Variants in AR observed in about 807,000 individuals in gnomAD.
AR encodes androgen receptor.
A neutral mutation model predicts 53.9 loss-of-function variants in AR; 8 were observed. The observed-to-expected ratio is 0.15, with a 90% confidence interval of 0.09 to 0.27. AR has a LOEUF of 0.27. Among genes scored for constraint, AR ranks in the 10% least tolerant of loss-of-function variants. The probability of loss-of-function intolerance (pLI) is 1.00; values close to 1 mark genes in which losing one functional copy is unlikely to be tolerated. For missense variants in AR, 639 were observed against 742.5 expected (o/e 0.86, Z 1.62); for synonymous variants, 359 against 316.4 (o/e 1.13, Z -1.43).
intron 1 of AR, among the ~76,000 whole-genome samples, chrX:67,569,213 G>GT (rs1298833285): frequency 2.5e-4 from 25 of 99,108 alleles, no homozygotes; most frequent in African/African-American, 4.0e-5. Context: ...TTTTGTGTGT[G>GT]GGGGGGGGTT....
At chrX:67,671,317 T>C (rs1052425315) in intron 2 of AR, among the ~76,000 whole-genome samples, 8 of 112,421 alleles carry the variant, frequency 7.1e-5, no homozygotes, top group Non-Finnish European at 1.3e-4. Flanking sequence ...TGGTATCTCA[T>C]TGTGGTTTTG....
At chrX:67,682,024 T>A (rs917925236) in intron 2 of AR, among the ~76,000 whole-genome samples, 1 of 111,742 alleles carries the variant, frequency 8.9e-6, no homozygotes, top group Non-Finnish European at 1.9e-5. Flanking sequence ...AAATTCAACA[T>A]CATTTTATGA....
chrX:67,584,014 G>A (rs1467575810), intron 1 of AR, among the ~76,000 whole-genome samples: 2 of 112,338 alleles, frequency 1.8e-5, no homozygotes, highest in Non-Finnish European at 3.8e-5. Context: ...CTGGATCAAG[G>A]AGAAATGAGT....
At chrX:67,569,888 A>G (rs1034899320) in intron 1 of AR, among the ~76,000 whole-genome samples, 8 of 110,306 alleles carry the variant, frequency 7.3e-5, no homozygotes, top group African/African-American at 2.6e-4. Context: ...TATTGTCCCC[A>G]TCTCCATGTG....
intron 4 of AR, 77 bp from the exon 5 acceptor site, chrX:67,717,401 C>T (rs2147530265): frequency 1.7e-6 from 2 of 1,170,552 alleles, no homozygotes; most frequent in Non-Finnish European, 2.3e-6. Flanking sequence ...CAGAGCATCT[C>T]TGCCCAACAG....
At chrX:67,579,192 C>T (rs1302999250) in intron 1 of AR, among the ~76,000 whole-genome samples, 1 of 111,809 alleles carries the variant, frequency 8.9e-6, no homozygotes, top group Non-Finnish European at 1.9e-5. Flanking sequence ...ATAGTAGCAA[C>T]GTATTCTTTT....
At chrX:67,693,413 A>G (rs1417748437) in intron 3 of AR, among the ~76,000 whole-genome samples, 1 of 112,437 alleles carries the variant, frequency 8.9e-6, no homozygotes, top group African/African-American at 3.2e-5. Context: ...ATAATAATTC[A>G]GGAAAAAAGC....
chrX:67,574,964 T>A (rs1471991473), intron 1 of AR, among the ~76,000 whole-genome samples: 1 of 111,422 alleles, frequency 9.0e-6, no homozygotes, highest in East Asian at 2.9e-4. Flanking sequence ...ATAGAGCCAA[T>A]TTTCTTTTTT....
At chrX:67,663,293 T>C (rs1602236283) in intron 2 of AR, among the ~76,000 whole-genome samples, 1 of 112,378 alleles carries the variant, frequency 8.9e-6, no homozygotes, top group East Asian at 2.8e-4. Flanking sequence ...TAGTGCTTCC[T>C]TCAGGAGCTC....
intron 2 of AR, among the ~76,000 whole-genome samples, chrX:67,656,266 G>T (rs778764863): frequency 3.6e-5 from 4 of 111,812 alleles, no homozygotes; most frequent in African/African-American, 1.3e-4. Flanking sequence ...ATGTGAACTA[G>T]CCGTGTCCTC....
intron 1 of AR, among the ~76,000 whole-genome samples, chrX:67,584,075 C>CA (rs2037813408): frequency 1.8e-5 from 2 of 112,153 alleles, no homozygotes; most frequent in African/African-American, 6.5e-5. Context: ...ATATTTACTC[C>CA]ATGAATAGTT....
At chrX:67,672,551 CATA>C (rs1472972699) in intron 2 of AR, among the ~76,000 whole-genome samples, 3 of 109,712 alleles carry the variant, frequency 2.7e-5, no homozygotes, top group Non-Finnish European at 5.7e-5. Flanking sequence ...GAGGCTTGTA[CATA>C]ATATTTTCTA....
chrX:67,729,171 T>C lies in AR; in HGVS notation c.*5330T>C, dbSNP rs1001351497. Reference sequence around the variant, plus strand: ...TGTAATTCTGGTTTTGGATATGTTCTGTAAAGATTTTGACAAATGAAAATG... The same window carrying C: ...TGTAATTCTGGTTTTGGATATGTTCCGTAAAGATTTTGACAAATGAAAATG... On this transcript the variant is annotated 3_prime_UTR_variant, in exon 8 of 8. Coordinates refer to ENST00000374690, the MANE Select transcript of AR (RefSeq NM_000044.6). 5.7e-6 allele frequency: 1 copy of C among 174,890 alleles called. No homozygotes were observed. Among genetic ancestry groups the C allele is most frequent in the South Asian group, 3.0e-4 (1 of 3,279 alleles). The allele number at this position is 174,890 out of a possible 1,213,427, so 14.4% of individuals were successfully genotyped here.
intron 2 of AR, among the ~76,000 whole-genome samples, chrX:67,665,357 T>C (rs1352929461): frequency 4.4e-5 from 5 of 112,537 alleles, no homozygotes; most frequent in Non-Finnish European, 7.5e-5. Context: ...TAGAAAATAA[T>C]AGAAATGAAC....
rs773196784 is a variant in AR, at chrX:67,717,741, C to T, written c.2318+119C>T. The T allele has an allele frequency of 7.1e-5, 73 of 1,028,867 alleles. No homozygotes were observed. In the South Asian group the frequency reaches 1.3e-3, roughly 18 times the overall value. The allele number at this position is 1,028,867 out of a possible 1,213,427, so 84.8% of individuals were successfully genotyped here. ...CTCATTTGATCTGCAGTTGTCGCAG[C>T]GGATGCCCCAGCCAGCCAATCCAGT... On this transcript the variant is annotated intron_variant, in intron 5 of 7. Transcript: ENST00000374690.
intron 1 of AR, among the ~76,000 whole-genome samples, chrX:67,576,287 A>T (rs924366800): frequency 3.6e-5 from 4 of 110,148 alleles, no homozygotes; most frequent in African/African-American, 9.9e-5. Context: ...GTAAATTTTC[A>T]TTTTCCTGTG....
chrX:67,716,305 A>G (rs767518228), intron 4 of AR, among the ~76,000 whole-genome samples: 2 of 112,175 alleles, frequency 1.8e-5, no homozygotes, highest in Non-Finnish European at 3.8e-5. Context: ...ACAAGGTGCA[A>G]TGAGAATGTA....
intron 3 of AR, chrX:67,695,787 TC>T (rs201232555): frequency 0.024 from 16,747 of 704,650 alleles, 161 homozygotes; most frequent in Non-Finnish European, 0.026. Flanking sequence ...TCTCTCTCTC[TC>T]CCCCCCCAAC....
rs1414341563 is a variant in AR at position 67,721,896 on chromosome X, G to C, written c.2382G>C (p.Glu794Asp). The stretch of plus-strand genomic sequence containing the variant: ...TCCGAATGAGGCACCTCTCTCAAGA[G>C]TTTGGATGGCTCCAAATCACCCCCC... The part of the protein sequence containing the change: ...QCVRMRHLSQ[E>D]FGWLQITPQE... The change falls in exon 6 of 8, where the codon GAG becomes GAC. Residue 794 changes from glutamate (E) to aspartate (D), a missense_variant. Coordinates refer to ENST00000374690, the MANE Select transcript of AR (RefSeq NM_000044.6). The C allele has an allele frequency of 2.5e-6, 3 of 1,208,872 alleles. No homozygotes were observed. Among genetic ancestry groups the C allele is most frequent in the Non-Finnish European group, 3.4e-6 (3 of 894,815 alleles).
Sources: gnomAD v4.1 joint callset for allele counts (sites outside exome capture counted in the v4.1 genomes callset) on GRCh38, gnomAD v4.1.1 for gene constraint, MANE v1.5 for transcripts, NCBI Gene and HGNC (gene_info 2026-07-23, HGNC 2026-07-21) for gene names.